CACNA1C: variants seen among roughly 807,000 people sequenced by gnomAD.
The protein encoded by CACNA1C is calcium voltage-gated channel subunit alpha1 C.
Under a neutral mutation model 229.0 loss-of-function variants are expected in CACNA1C, and 30 were observed. That is an observed-to-expected ratio of 0.13 (90% CI 0.10 to 0.18). The LOEUF is 0.18. CACNA1C is among the 10% of genes least tolerant of loss of function. The pLI is 1.00. For synonymous variants in CACNA1C, 1,114 were observed against 1,132.5 expected (o/e 0.98, Z 0.33); for missense variants, 1,658 against 2,845.0 (o/e 0.58, Z 9.49).
At chr12:2,349,611 G>A (rs2097148908) in intron 3 of CACNA1C, among the ~76,000 whole-genome samples, 1 of 152,090 alleles carries the variant, frequency 6.6e-6, no homozygotes, top group Admixed American at 6.5e-5. Flanking sequence ...GGGTGTGAAA[G>A]GTGGTGTCTG....
intron 3 of CACNA1C, among the ~76,000 whole-genome samples, chr12:2,378,323 G>C (rs1317080985): frequency 1.3e-5 from 2 of 152,154 alleles, no homozygotes; most frequent in Non-Finnish European, 2.9e-5. Context: ...CTCTGCATGT[G>C]GATGGGTTCG....
intron 1 of CACNA1C, among the ~76,000 whole-genome samples, chr12:2,015,812 C>T (rs936482108): frequency 1.3e-5 from 2 of 152,204 alleles, no homozygotes; most frequent in Non-Finnish European, 2.9e-5. Context: ...GGTACTTGGG[C>T]AGTTCACCTG....
At chr12:2,422,446 G>C (rs561807911) in intron 3 of CACNA1C, among the ~76,000 whole-genome samples, 1 of 151,822 alleles carries the variant, frequency 6.6e-6, no homozygotes, top group Non-Finnish European at 1.5e-5. Flanking sequence ...TCTGTAGGAA[G>C]AGGATCCCAA....
rs184249299 is a variant in CACNA1C, at chr12:2,601,055, C to T, written c.2854-799C>T. Among the ~76,000 whole-genome samples the T allele has an allele frequency of 2.0e-5, 3 of 152,322 alleles. No individual in the cohort carries two copies. Among genetic ancestry groups the T allele is most frequent in the Non-Finnish European group, 2.9e-5 (2 of 68,018 alleles). Reference sequence around the variant, plus strand: ...ACAGGTCTGGGATTCCAGCCCAGGCCGTCTGGCCTCAGAGCCTGTGCTCTT... The same window carrying T: ...ACAGGTCTGGGATTCCAGCCCAGGCTGTCTGGCCTCAGAGCCTGTGCTCTT... On this transcript the variant is annotated intron_variant, in intron 21 of 46. Transcript: ENST00000399655. This position sits in a 1 kb window ranked among gnomAD's most constrained non-coding sequence, Gnocchi z 5.9.
At chr12:2,661,282 C>T (rs1239269436) in intron 34 of CACNA1C, among the ~76,000 whole-genome samples, 1 of 137,550 alleles carries the variant, frequency 7.3e-6, no homozygotes, top group African/African-American at 3.2e-5. Flanking sequence ...CACACACATA[C>T]ACACACACAC....
intron 34 of CACNA1C, among the ~76,000 whole-genome samples, chr12:2,662,825 C>T (rs2153699182): frequency 6.6e-6 from 1 of 152,310 alleles, no homozygotes; most frequent in Middle Eastern, 3.4e-3. Flanking sequence ...AAGGCTAGAA[C>T]AAGACCCACA....
intron 3 of CACNA1C, among the ~76,000 whole-genome samples, chr12:2,211,297 G>A (rs1214543397): frequency 1.3e-5 from 2 of 152,238 alleles, no homozygotes; most frequent in African/African-American, 2.4e-5. Flanking sequence ...CCATGTTCCA[G>A]CAGCTTATTG....
chr12:2,121,169 G>A lies in CACNA1C; in HGVS notation c.477+739G>A, dbSNP rs80109457. ...GCAAAAGGCATGCAGGGAAAATCCC[G>A]TCTCTTTCTCCCCCTCCATTGCAGA... On this transcript the variant is annotated intron_variant, in intron 3 of 46. Coordinates refer to ENST00000399655, the MANE Select transcript of CACNA1C (RefSeq NM_000719.7). Among the ~76,000 whole-genome samples the A allele has an allele frequency of 8.4e-3, 1,276 of 152,322 alleles. 18 individuals carry two copies. The highest frequency in any genetic ancestry group is 0.029 in the African/African-American group (1,206 of 41,568).
In CACNA1C at chr12:2,486,354, G is replaced by T. The variant is rs2099697214; in HGVS notation, c.916+92G>T. The T allele has an allele frequency of 9.3e-7, 1 of 1,077,196 alleles. No homozygotes were observed. The highest frequency in any genetic ancestry group is 2.2e-5 in the Admixed American group (1 of 44,928). The allele number at this position is 1,077,196 out of a possible 1,614,324, so 66.7% of individuals were successfully genotyped here. On this transcript the variant is annotated intron_variant, in intron 6 of 46. Coordinates refer to ENST00000399655, the MANE Select transcript of CACNA1C (RefSeq NM_000719.7). This position sits in a 1 kb window ranked among gnomAD's most constrained non-coding sequence, Gnocchi z 4.9. ...GCTGGCTACACCAACATGACCAGCA[G>T]AGCCCAGGGAAGGCCCCATTCATTC... is the stretch of plus-strand genomic sequence containing the variant.
chr12:2,641,826 C>G (rs376414745), intron 30 of CACNA1C: 4 of 701,202 alleles, frequency 5.7e-6, no homozygotes, highest in South Asian at 1.5e-5. Context: ...CCCATCCCCC[C>G]ACAAAGGCTG....
intron 3 of CACNA1C, among the ~76,000 whole-genome samples, chr12:2,240,796 C>A (rs1488485749): frequency 6.6e-6 from 1 of 152,020 alleles, no homozygotes; most frequent in East Asian, 1.9e-4. Context: ...TTTCCTTGCC[C>A]TCTCCCCCAC....
chr12:2,615,579 G>A (rs1007962866), intron 29 of CACNA1C, among the ~76,000 whole-genome samples: 3 of 126,182 alleles, frequency 2.4e-5, no homozygotes, highest in African/African-American at 7.9e-5. Flanking sequence ...TGGAGGTGAG[G>A]ATGGCAGGAG....
intron 3 of CACNA1C, chr12:2,220,495 G>T (rs1318046936): frequency 2.0e-5 from 3 of 152,490 alleles, no homozygotes; most frequent in Non-Finnish European, 4.4e-5. Flanking sequence ...GGTGTGAAGG[G>T]GTGCTGATAC....
intron 3 of CACNA1C, among the ~76,000 whole-genome samples, chr12:2,447,405 T>A (rs1425062917): frequency 6.6e-6 from 1 of 152,174 alleles, no homozygotes; most frequent in African/African-American, 2.4e-5. Flanking sequence ...CGCGGCGTGA[T>A]CTGGGCCTTC....
At chr12:2,060,577 G>A (rs1408377594) in intron 1 of CACNA1C, among the ~76,000 whole-genome samples, 2 of 152,202 alleles carry the variant, frequency 1.3e-5, no homozygotes, top group Non-Finnish European at 2.9e-5. Context: ...GAAGGCCTCT[G>A]AGGCTGACTC....
intron 11 of CACNA1C, among the ~76,000 whole-genome samples, chr12:2,561,590 G>A (rs958619947): frequency 2.0e-5 from 3 of 152,356 alleles, no homozygotes; most frequent in African/African-American, 7.2e-5. Context: ...CCCACAGGAG[G>A]GGCAGGACAG....
At position 2,410,787 on chromosome 12, in the gene CACNA1C, CTGTGTGTGTATATG is replaced by C. The variant is rs1567526168; in HGVS notation, c.478-38179_478-38166del. 7.0e-6 allele frequency among the ~76,000 whole-genome samples: 1 copy of C among 143,840 alleles called. No individual in the cohort carries two copies. The highest frequency in any genetic ancestry group is 1.5e-5 in the Non-Finnish European group (1 of 66,400). The allele number at this position is 143,840 out of a possible 152,430, so 94.4% of individuals were successfully genotyped here. On this transcript the variant is annotated intron_variant, in intron 3 of 46. Transcript: ENST00000399655. This position sits in a 1 kb window ranked among gnomAD's most constrained non-coding sequence, Gnocchi z 5.3. ...GACTCTAGTTGTCAGGATGGCTCCC[CTGTGTGTGTATATG>C]TGTGTGTGTGCGTGTGCATGTGCGT...
Position 2,215,406 on chromosome 12 carries a change from G to A in CACNA1C, c.477+94976G>A, listed in dbSNP as rs967969222. Among the ~76,000 whole-genome samples, 3 of 152,074 alleles carry A rather than the reference G, an allele frequency of 2.0e-5. No homozygotes were observed. The highest frequency in any genetic ancestry group is 2.9e-5 in the Non-Finnish European group (2 of 68,010). ...CTTGCAGGGCCCAGCATGCCTGTGAGGGCAAAAGGGTTCTGAGTGGGGCCT... is the reference window on the plus strand; with the variant it reads ...CTTGCAGGGCCCAGCATGCCTGTGAAGGCAAAAGGGTTCTGAGTGGGGCCT... On this transcript the variant is annotated intron_variant, in intron 3 of 46. Transcript: ENST00000399655. This position sits in a 1 kb window ranked among gnomAD's most constrained non-coding sequence, Gnocchi z 5.0.
intron 1 of CACNA1C, among the ~76,000 whole-genome samples, chr12:2,082,392 T>C (rs2065968015): frequency 6.6e-6 from 1 of 152,198 alleles, no homozygotes; most frequent in African/African-American, 2.4e-5. Flanking sequence ...GTGGTGTCTT[T>C]CCAGGTGTCA....
Sources: gnomAD v4.1 joint callset for allele counts (sites outside exome capture counted in the v4.1 genomes callset) on GRCh38, gnomAD v4.1.1 for gene constraint, Gnocchi (gnomAD v3.1) non-coding constraint, MANE v1.5 for transcripts, NCBI Gene and HGNC (gene_info 2026-07-23, HGNC 2026-07-21) for gene names.